The following FKTN variants were observed in gnomAD, a reference collection of about 807,000 sequenced individuals.
The protein encoded by FKTN is ribitol-5-phosphate transferase FKTN.
Under a neutral mutation model 58.6 loss-of-function variants are expected in FKTN, and 47 were observed. The ratio of observed to expected loss-of-function variants is 0.80; its 90% confidence interval spans 0.63 to 1.02. The LOEUF (loss-of-function observed/expected upper bound fraction) is 1.02. FKTN is among the 50% of genes least tolerant of loss of function. The pLI is 0.00. For synonymous variants in FKTN, 178 were observed against 191.9 expected (o/e 0.93, Z 0.60); for missense variants, 516 against 537.3 (o/e 0.96, Z 0.39).
intron 8 of FKTN, 146 bp from the exon 9 acceptor site, chr9:105,617,813 G>C (rs1289889936): frequency 1.7e-6 from 1 of 587,872 alleles, no homozygotes; most frequent in Non-Finnish European, 3.0e-6. Flanking sequence ...CTTGAGCCAG[G>C]AGTTTGCGTA....
intron 3 of FKTN, among the ~76,000 whole-genome samples, chr9:105,592,199 A>G (rs769714726): frequency 2.0e-5 from 3 of 152,154 alleles, no homozygotes; most frequent in African/African-American, 7.2e-5. Context: ...CTTTTCTATC[A>G]CATGGCCAGG....
chr9:105,623,681 G>A (rs1334578151), intron 10 of FKTN, among the ~76,000 whole-genome samples: 2 of 152,178 alleles, frequency 1.3e-5, no homozygotes, highest in African/African-American at 4.8e-5. Flanking sequence ...TCTGTAAAAT[G>A]TATTTACCAA....
chr9:105,601,031 G>C, intron 4 of FKTN, 114 bp from the exon 5 acceptor site: 1 of 673,528 alleles, frequency 1.5e-6, no homozygotes, highest in African/African-American at 1.8e-5. Context: ...GATAAGCATG[G>C]TATCTATTGG....
intron 8 of FKTN, among the ~76,000 whole-genome samples, chr9:105,617,681 A>G (rs1831062323): frequency 6.6e-6 from 1 of 152,186 alleles, no homozygotes; most frequent in Non-Finnish European, 1.5e-5. Context: ...GCTCAAACAA[A>G]GTCATTTAGT....
chr9:105,598,932 G>GACAC (rs3030697), intron 4 of FKTN, among the ~76,000 whole-genome samples: 1 of 149,842 alleles, frequency 6.7e-6, no homozygotes, highest in Non-Finnish European at 1.5e-5. Flanking sequence ...AACCCTAAAA[G>GACAC]ACACACACAC....
At chr9:105,625,546 T>C (rs1421803974) in intron 10 of FKTN, among the ~76,000 whole-genome samples, 1 of 152,164 alleles carries the variant, frequency 6.6e-6, no homozygotes, top group Non-Finnish European at 1.5e-5. Flanking sequence ...CATGGAAAGC[T>C]GGTATAGTGA....
intron 10 of FKTN, among the ~76,000 whole-genome samples, chr9:105,632,217 A>G (rs1026414761): frequency 7.3e-5 from 11 of 151,636 alleles, no homozygotes; most frequent in African/African-American, 2.4e-4. Flanking sequence ...GAACTGAACA[A>G]TGAGATCACA....
chr9:105,610,770 C>T (rs1460344479), intron 7 of FKTN, among the ~76,000 whole-genome samples: 1 of 151,924 alleles, frequency 6.6e-6, no homozygotes, highest in Non-Finnish European at 1.5e-5. Flanking sequence ...GCTCTGATAC[C>T]CCGTATCAGG....
intron 3 of FKTN, among the ~76,000 whole-genome samples, chr9:105,577,684 A>G (rs1298966527): frequency 6.6e-6 from 1 of 151,238 alleles, no homozygotes; most frequent in Non-Finnish European, 1.5e-5. Context: ...ACTTTAAAGT[A>G]GTTTTTTCGA....
chr9:105,583,354 G>A (rs1321535118), intron 3 of FKTN, among the ~76,000 whole-genome samples: 4 of 152,146 alleles, frequency 2.6e-5, no homozygotes, highest in South Asian at 2.1e-4. Context: ...TATTAAGTGG[G>A]GGAGATGAAC....
chr9:105,610,902 T>G (rs1260783529), intron 7 of FKTN, among the ~76,000 whole-genome samples: 7 of 152,038 alleles, frequency 4.6e-5, no homozygotes, highest in Non-Finnish European at 7.4e-5. Flanking sequence ...ACCATGAAGT[T>G]CAAAAACTAG....
At position 105,635,359 on chromosome 9, in the gene FKTN, C is replaced by A; in HGVS notation, c.*95C>A. 2 of 1,570,378 alleles carry A rather than the reference C, an allele frequency of 1.3e-6. No individual in the cohort carries two copies. The highest frequency in any genetic ancestry group is 1.4e-5 in the African/African-American group (1 of 73,686). On this transcript the variant is annotated 3_prime_UTR_variant, in exon 11 of 11. Transcript: ENST00000357998. ...TCTATTTGTCAAACATAAGTGGGAA[C>A]CAAAGAAAAAATGTGACAAGTTTGA...
chr9:105,573,914 A>G lies in FKTN; in HGVS notation c.-89+168A>G, dbSNP rs554977972. ...GTGTAACCTCAAAGCCAAATTGACAACTATTTTTGAACAAGGCAAAAGCTC... is the reference window on the plus strand; with the variant it reads ...GTGTAACCTCAAAGCCAAATTGACAGCTATTTTTGAACAAGGCAAAAGCTC... On this transcript the variant is annotated intron_variant, in intron 2 of 10. Transcript: ENST00000357998. 6.8e-4 allele frequency among the ~76,000 whole-genome samples: 104 copies of G among 152,320 alleles called. 1 individual carries two copies. The South Asian group carries it at 0.019, about 27-fold the overall frequency.
Position 105,607,690 on chromosome 9 carries a change from T to A in FKTN, c.648-129T>A, listed in dbSNP as rs10978171. 0.024 allele frequency: 17,729 copies of A among 747,206 alleles called. 297 individuals carry two copies. Among genetic ancestry groups the A allele is most frequent in the Non-Finnish European group, 0.032 (13,429 of 420,168 alleles). The allele number at this position is 747,206 out of a possible 1,614,324, so 46.3% of individuals were successfully genotyped here. ...TTGTTACATAGGTATACATGTGCCA[T>A]GGTAGTTTGCTGCACCTATCAACCT... On this transcript the variant is annotated intron_variant, in intron 6 of 10. Coordinates refer to ENST00000357998, the MANE Select transcript of FKTN (RefSeq NM_001079802.2).
intron 1 of FKTN, 66 bp from the exon 2 acceptor site, chr9:105,573,589 T>C (rs186893282): frequency 1.4e-4 from 21 of 152,108 alleles, no homozygotes; most frequent in Admixed American, 1.2e-3. Flanking sequence ...GATTGCACCA[T>C]TATACTTCAG....
chr9:105,614,245 C>T (rs191808052), intron 7 of FKTN, among the ~76,000 whole-genome samples: 39 of 152,294 alleles, frequency 2.6e-4, no homozygotes, highest in Admixed American at 1.3e-3. Context: ...ACCAAGATGA[C>T]TAAATGATAT....
At chr9:105,630,182 C>T (rs1230013292) in intron 10 of FKTN, among the ~76,000 whole-genome samples, 2 of 151,842 alleles carry the variant, frequency 1.3e-5, no homozygotes, top group African/African-American at 2.4e-5. Flanking sequence ...CACATGTACC[C>T]TAGAACTTCA....
chr9:105,615,137 G>T, intron 7 of FKTN, 141 bp from the exon 8 acceptor site: 2 of 852,512 alleles, frequency 2.3e-6, no homozygotes, highest in Non-Finnish European at 3.8e-6. Flanking sequence ...ACCTGCCTTG[G>T]CTTCCCAAAG....
At chr9:105,585,208 T>G (rs1457387440) in intron 3 of FKTN, among the ~76,000 whole-genome samples, 2 of 152,160 alleles carry the variant, frequency 1.3e-5, no homozygotes, top group African/African-American at 4.8e-5. Flanking sequence ...GAGGATCGCT[T>G]GAGCCCAGGA....
Sources: allele counts gnomAD v4.1 joint callset (sites outside exome capture counted in the v4.1 genomes callset), GRCh38; gene constraint gnomAD v4.1.1; transcripts MANE v1.5; gene names NCBI Gene and HGNC (gene_info 2026-07-23, HGNC 2026-07-21).